Variants in TRERF1 observed in about 807,000 individuals in gnomAD.
TRERF1 encodes the protein transcriptional-regulating factor 1.
Under a neutral mutation model 122.9 loss-of-function variants are expected in TRERF1, and 27 were observed. The ratio of observed to expected loss-of-function variants is 0.22; its 90% CI spans 0.16 to 0.30. The LOEUF (loss-of-function observed/expected upper bound fraction) is 0.30, where lower values mean the gene tolerates loss of function less well. Among genes scored for constraint, TRERF1 ranks in the 10% least tolerant of loss-of-function variants. The pLI, the probability that TRERF1 is intolerant of heterozygous loss-of-function variation, is 1.00. For synonymous variants in TRERF1, 636 were observed against 641.7 expected (o/e 0.99, Z 0.13); for missense variants, 1,248 against 1,560.3 (o/e 0.80, Z 3.37).
intron 3 of TRERF1, among the ~76,000 whole-genome samples, chr6:42,322,868 G>A (rs1412955010): frequency 6.6e-6 from 1 of 152,020 alleles, no homozygotes; most frequent in African/African-American, 2.4e-5. Flanking sequence ...TCCTACTGGT[G>A]CCTCCTACTG....
At chr6:42,384,377 A>G (rs1349662419) in intron 2 of TRERF1, among the ~76,000 whole-genome samples, 1 of 152,238 alleles carries the variant, frequency 6.6e-6, no homozygotes, top group Admixed American at 6.5e-5. Flanking sequence ...ATTGCTAGGT[A>G]AGACAAGCAA....
chr6:42,229,317 T>C (rs1770056712), intron 17 of TRERF1, among the ~76,000 whole-genome samples: 1 of 152,064 alleles, frequency 6.6e-6, no homozygotes, highest in Admixed American at 6.6e-5. Context: ...TTTAAATATT[T>C]TGTAGAGATG....
Position 42,264,845 on chromosome 6 carries a change from G to C in TRERF1, c.1494C>G (p.Pro498=), listed in dbSNP as rs757870251. 2.5e-6 allele frequency: 4 copies of C among 1,614,124 alleles called. No homozygotes were observed. The South Asian group carries it at 4.4e-5, about 18-fold the overall frequency. The change falls in exon 7 of 18, where the codon CCC becomes CCG. Residue 498 remains proline, a synonymous_variant. Coordinates refer to ENST00000372922, the Ensembl canonical transcript of TRERF1. Reference sequence around the variant, plus strand: ...CAAACTGCTCCCCAAACGCTCCTTTGGGTTGGCCACTGCTCAAGGGAAGAG... The same window carrying C: ...CAAACTGCTCCCCAAACGCTCCTTTCGGTTGGCCACTGCTCAAGGGAAGAG...
intron 17 of TRERF1, among the ~76,000 whole-genome samples, chr6:42,230,004 C>A (rs1770187595): frequency 6.6e-6 from 1 of 152,120 alleles, no homozygotes; most frequent in African/African-American, 2.4e-5. Flanking sequence ...CTATCTGGAC[C>A]TTTTTCAGAA....
rs34821629 is a variant in TRERF1 at position 42,408,210 on chromosome 6, A to AATATATATATATATATATATAT, written c.-454+42966_-454+42967insATATATATATATATATATATAT. Among the ~76,000 whole-genome samples the AATATATATATATATATATATAT allele has an allele frequency of 6.0e-4, 64 of 107,122 alleles. 2 individuals carry two copies. The highest frequency in any genetic ancestry group is 1.0e-3 in the Non-Finnish European group (56 of 54,178). 70.3% of individuals were successfully genotyped at this position (107,122 alleles called of 152,430 possible). ...TTCCATTAACTTCGCTATATAAATA[A>AATATATATATATATATATATAT]ATATATATATATATATATGTGTGTG... is the stretch of plus-strand genomic sequence containing the variant. On this transcript the variant is annotated intron_variant, in intron 2 of 17. Transcript: ENST00000372922.
Position 42,379,109 on chromosome 6 carries a change from G to A in TRERF1, c.-453-16030C>T, listed in dbSNP as rs112287717. ...CACTCCAGCCTGGGTGACAGAGTGA[G>A]GGCTTGTCTCAAAAAAAAATTTTTT... On this transcript the variant is annotated intron_variant, in intron 2 of 17. Coordinates refer to ENST00000372922, the Ensembl canonical transcript of TRERF1. 8.2e-3 allele frequency among the ~76,000 whole-genome samples: 1,250 copies of A among 152,162 alleles called. 22 individuals carry two copies. Among genetic ancestry groups the A allele is most frequent in the African/African-American group, 0.028 (1,177 of 41,514 alleles).
intron 3 of TRERF1, among the ~76,000 whole-genome samples, chr6:42,351,277 C>A (rs887950100): frequency 6.6e-6 from 1 of 152,028 alleles, no homozygotes; most frequent in African/African-American, 2.4e-5. Flanking sequence ...AAGAATATTC[C>A]CTGATGAAAT....
intron 3 of TRERF1, among the ~76,000 whole-genome samples, chr6:42,317,744 T>TC (rs1762725531): frequency 6.6e-6 from 1 of 151,992 alleles, no homozygotes; most frequent in Non-Finnish European, 1.5e-5. Flanking sequence ...GAAGAAAAAC[T>TC]CCATCACTTG....
intron 2 of TRERF1, among the ~76,000 whole-genome samples, chr6:42,410,437 C>T (rs925000513): frequency 1.3e-5 from 2 of 152,190 alleles, no homozygotes; most frequent in African/African-American, 4.8e-5. Flanking sequence ...GCGTGAGCCA[C>T]TGTACCTGAT....
intron 2 of TRERF1, among the ~76,000 whole-genome samples, chr6:42,421,805 A>AT (rs1311291691): frequency 6.6e-6 from 1 of 151,942 alleles, no homozygotes; most frequent in Admixed American, 6.6e-5. Context: ...ATTAAATTAA[A>AT]TAAATAAAAT....
chr6:42,438,915 T>TGGGAG (rs1785965719), intron 2 of TRERF1, among the ~76,000 whole-genome samples: 1 of 151,322 alleles, frequency 6.6e-6, no homozygotes, highest in Non-Finnish European at 1.5e-5. Flanking sequence ...GAGCACAGGA[T>TGGGAG]GGGAGGGGAG....
At chr6:42,428,872 ATTCCCAGCAGGCC>A (rs1290733018) in intron 2 of TRERF1, among the ~76,000 whole-genome samples, 3 of 152,148 alleles carry the variant, frequency 2.0e-5, no homozygotes, top group Non-Finnish European at 2.9e-5. Context: ...CACATTAATT[ATTCCCAGCAGGCC>A]TTCCCACTTC....
chr6:42,277,912 GAA>G (rs1441388008), intron 4 of TRERF1, among the ~76,000 whole-genome samples: 82 of 72,450 alleles, frequency 1.1e-3, no homozygotes, highest in Admixed American at 2.1e-3. Context: ...GAAGGAAGAA[GAA>G]GAAGAAGAAG....
chr6:42,382,878 A>G (rs1360623048), intron 2 of TRERF1, among the ~76,000 whole-genome samples: 2 of 151,800 alleles, frequency 1.3e-5, no homozygotes, highest in African/African-American at 4.8e-5. Flanking sequence ...ATCTCCCAGG[A>G]CACAACAACT....
intron 2 of TRERF1, among the ~76,000 whole-genome samples, chr6:42,408,225 A>G (rs191043650): frequency 7.7e-6 from 1 of 129,210 alleles, no homozygotes; most frequent in East Asian, 2.1e-4. Context: ...ATATATATAT[A>G]TATGTGTGTG....
intron 3 of TRERF1, among the ~76,000 whole-genome samples, chr6:42,308,532 A>C (rs1332569579): frequency 1.3e-5 from 2 of 152,216 alleles, no homozygotes; most frequent in African/African-American, 2.4e-5. Flanking sequence ...AACTAGACCT[A>C]GGTGAGGTTG....
At chr6:42,264,178 T>C (rs1210091846) in intron 7 of TRERF1, among the ~76,000 whole-genome samples, 9 of 152,356 alleles carry the variant, frequency 5.9e-5, no homozygotes, top group African/African-American at 2.2e-4. Context: ...TTGATTTTAA[T>C]CTAACTCTAA....
At position 42,259,336 on chromosome 6, in the gene TRERF1, C is replaced by T. The variant is rs1300246905; in HGVS notation, c.2269+3G>A. 1 of 1,497,752 alleles carries T rather than the reference C, an allele frequency of 6.7e-7. No individual in the cohort carries two copies. 92.8% of individuals were successfully genotyped at this position (1,497,752 alleles called of 1,614,324 possible). On this transcript the variant is annotated splice_donor_region_variant and intron_variant, in intron 9 of 17. Transcript: ENST00000372922. This position sits in a 1 kb window ranked among gnomAD's most constrained non-coding sequence, Gnocchi z 4.9. ...CCAGGAGGACGCTAAAGGGGTGACT[C>T]ACTGGAGCGACACAGCAGCACCCGT...
chr6:42,411,991 T>TA (rs368825076), intron 2 of TRERF1, among the ~76,000 whole-genome samples: 3,355 of 135,640 alleles, frequency 0.025, 137 homozygotes, highest in African/African-American at 0.086. Context: ...TGAATTTTTT[T>TA]AAAAAATCCT....
Sources: allele counts gnomAD v4.1 joint callset (sites outside exome capture counted in the v4.1 genomes callset), GRCh38; gene constraint gnomAD v4.1.1; non-coding constraint Gnocchi (gnomAD v3.1); transcripts MANE v1.5; gene names NCBI Gene and HGNC (gene_info 2026-07-23, HGNC 2026-07-21).